Variants in CORIN observed in about 807,000 individuals in gnomAD.
The protein encoded by CORIN is corin, serine peptidase.
CORIN carries 117 observed loss-of-function variants against 125.3 expected under a neutral mutation model. That is an observed-to-expected ratio of 0.93 (90% CI 0.80 to 1.09). The LOEUF is 1.09. Ranked by LOEUF, CORIN falls within the 50% of genes least tolerant of loss-of-function variation. CORIN has a pLI of 0.00. For synonymous variants in CORIN, 450 were observed against 466.4 expected (o/e 0.96, Z 0.45); for missense variants, 1,253 against 1,306.7 (o/e 0.96, Z 0.63).
chr4:47,646,973 T>C (rs1723518604), intron 13 of CORIN, among the ~76,000 whole-genome samples: 1 of 152,210 alleles, frequency 6.6e-6, no homozygotes, highest in Admixed American at 6.5e-5. Flanking sequence ...AAATGCTTAC[T>C]ATAAGCTAAA....
At chr4:47,807,928 TC>T (rs954563523) in intron 1 of CORIN, among the ~76,000 whole-genome samples, 11 of 152,196 alleles carry the variant, frequency 7.2e-5, no homozygotes, top group Admixed American at 3.3e-4. Context: ...CTCTTGGACT[TC>T]TGACTGCATT....
chr4:47,620,013 G>T (rs899251355), intron 19 of CORIN, among the ~76,000 whole-genome samples: 7 of 152,136 alleles, frequency 4.6e-5, no homozygotes, highest in Non-Finnish European at 1.0e-4. Context: ...GAAGGTGCTA[G>T]TTAGATTTTT....
At chr4:47,684,394 T>C (rs1250496438) in intron 6 of CORIN, among the ~76,000 whole-genome samples, 1 of 152,212 alleles carries the variant, frequency 6.6e-6, no homozygotes, top group Non-Finnish European at 1.5e-5. Context: ...CTATGTAATC[T>C]CAGGATGCTT....
At chr4:47,769,834 C>CTT (rs56976355) in intron 3 of CORIN, among the ~76,000 whole-genome samples, 8,604 of 152,060 alleles carry the variant, frequency 0.057, 744 homozygotes, top group African/African-American at 0.19. Flanking sequence ...TGAGATTAGT[C>CTT]TTATTTTACA....
chr4:47,708,050 A>G (rs1726659981), intron 5 of CORIN, among the ~76,000 whole-genome samples: 1 of 152,348 alleles, frequency 6.6e-6, no homozygotes, highest in African/African-American at 2.4e-5. Flanking sequence ...AAAATAGCTA[A>G]TAGGTGGTGG....
At chr4:47,705,642 A>C (rs1394600531) in intron 5 of CORIN, among the ~76,000 whole-genome samples, 1 of 152,234 alleles carries the variant, frequency 6.6e-6, no homozygotes, top group African/African-American at 2.4e-5. Flanking sequence ...TTTTTGTTAA[A>C]ATAATCAAGC....
chr4:47,713,645 G>A (rs961855483), intron 5 of CORIN, among the ~76,000 whole-genome samples: 2 of 151,924 alleles, frequency 1.3e-5, no homozygotes, highest in South Asian at 2.1e-4. Flanking sequence ...AGAGTGTGTC[G>A]CTCTTCTCCA....
intron 10 of CORIN, among the ~76,000 whole-genome samples, chr4:47,669,020 C>A (rs1192659654): frequency 6.6e-6 from 1 of 152,116 alleles, no homozygotes; most frequent in Non-Finnish European, 1.5e-5. Context: ...ATTTAAAAAT[C>A]GCCACTAGAG....
At chr4:47,780,968 T>TAA (rs142636160) in intron 3 of CORIN, among the ~76,000 whole-genome samples, 4 of 145,484 alleles carry the variant, frequency 2.7e-5, no homozygotes, top group African/African-American at 1.0e-4. Flanking sequence ...GTTTCAATAT[T>TAA]AAAAAAAAAA....
At chr4:47,713,897 T>C (rs1190120352) in intron 5 of CORIN, among the ~76,000 whole-genome samples, 3 of 152,222 alleles carry the variant, frequency 2.0e-5, no homozygotes, top group African/African-American at 7.2e-5. Context: ...TTTTGTTTTT[T>C]TGCTTTTTAA....
At chr4:47,730,520 G>C (rs1727828329) in intron 5 of CORIN, among the ~76,000 whole-genome samples, 1 of 150,568 alleles carries the variant, frequency 6.6e-6, no homozygotes, top group Non-Finnish European at 1.5e-5. Context: ...TGGGCTTCAG[G>C]AGCCACAGAC....
intron 12 of CORIN, among the ~76,000 whole-genome samples, chr4:47,659,400 G>A (rs1387097544): frequency 6.6e-6 from 1 of 152,108 alleles, no homozygotes; most frequent in African/African-American, 2.4e-5. Flanking sequence ...ATCTGAGACT[G>A]GGTAATTTAT....
intron 21 of CORIN, among the ~76,000 whole-genome samples, chr4:47,596,514 A>G (rs1560465820): frequency 6.6e-6 from 1 of 152,172 alleles, no homozygotes; most frequent in Non-Finnish European, 1.5e-5. Context: ...TATTTCATAT[A>G]TATAGGGATT....
intron 5 of CORIN, among the ~76,000 whole-genome samples, chr4:47,737,573 T>C (rs1374301982): frequency 6.6e-6 from 1 of 152,226 alleles, no homozygotes; most frequent in East Asian, 1.9e-4. Flanking sequence ...CCCAAGGATT[T>C]AGCTGAGGCT....
chr4:47,693,094 A>C lies in CORIN; in HGVS notation c.800-11T>G. On this transcript the variant is annotated splice_polypyrimidine_tract_variant and intron_variant, in intron 5 of 21. Coordinates refer to ENST00000273857, the MANE Select transcript of CORIN (RefSeq NM_006587.4). ...CCCTTCCACAGAGCACTAAAAAAAAAGGGCAGGAAATAATGTCAGAATAAG... is the reference window on the plus strand; with the variant it reads ...CCCTTCCACAGAGCACTAAAAAAAACGGGCAGGAAATAATGTCAGAATAAG... 2 of 1,535,706 alleles carry C rather than the reference A, an allele frequency of 1.3e-6. No homozygotes were observed. Among genetic ancestry groups the C allele is most frequent in the Non-Finnish European group, 1.8e-6 (2 of 1,109,676 alleles).
Position 47,659,664 on chromosome 4 carries a change from A to G in CORIN, c.1735+2047T>C, listed in dbSNP as rs115754622. ...TGTCATCAAGGAGATGACCCAAACCAATCACAAGGGATCTGCCCCCATGAT... is the reference window on the plus strand; with the variant it reads ...TGTCATCAAGGAGATGACCCAAACCGATCACAAGGGATCTGCCCCCATGAT... On this transcript the variant is annotated intron_variant, in intron 12 of 21. Coordinates refer to ENST00000273857, the MANE Select transcript of CORIN (RefSeq NM_006587.4). 5.3e-3 allele frequency among the ~76,000 whole-genome samples: 804 copies of G among 152,250 alleles called. 5 individuals carry two copies. Among genetic ancestry groups the G allele is most frequent in the African/African-American group, 0.018 (755 of 41,554 alleles).
chr4:47,695,724 T>C (rs988711088), intron 5 of CORIN, among the ~76,000 whole-genome samples: 1 of 152,244 alleles, frequency 6.6e-6, no homozygotes, highest in African/African-American at 2.4e-5. Flanking sequence ...TAGAATAACT[T>C]TTGTAAAATC....
chr4:47,642,104 A>G, intron 15 of CORIN, 55 bp from the exon 16 acceptor site: 1 of 1,577,884 alleles, frequency 6.3e-7, no homozygotes, highest in Non-Finnish European at 8.6e-7. Context: ...TTCCCATGAA[A>G]GCACATAACT....
Position 47,690,303 on chromosome 4 carries a change from T to A in CORIN, c.913+2667A>T, listed in dbSNP as rs543530717. ...GAACCATTTAAGACTGGGTTCAAAT[T>A]TAGCGAATCATGGGCAAATTTATTC... On this transcript the variant is annotated intron_variant, in intron 6 of 21. Transcript: ENST00000273857. Among the ~76,000 whole-genome samples, 8 of 152,302 alleles carry A rather than the reference T, an allele frequency of 5.3e-5. No individual in the cohort carries two copies. The East Asian group carries it at 5.8e-4, about 11-fold the overall frequency.
Sources: allele counts gnomAD v4.1 joint callset (sites outside exome capture counted in the v4.1 genomes callset), GRCh38; gene constraint gnomAD v4.1.1; transcripts MANE v1.5; gene names NCBI Gene and HGNC (gene_info 2026-07-23, HGNC 2026-07-21).